Variants in ANTXR1 observed in about 807,000 individuals in gnomAD.
The protein encoded by ANTXR1 is anthrax toxin receptor 1.
ANTXR1 carries 19 observed loss-of-function variants against 78.1 expected under a neutral mutation model. That is an observed-to-expected ratio of 0.24 (90% CI 0.17 to 0.36). The LOEUF is 0.36. Among genes scored for constraint, ANTXR1 ranks in the 10% least tolerant of loss-of-function variants. The pLI is 1.00. For synonymous variants in ANTXR1, 273 were observed against 260.5 expected, an observed-to-expected ratio of 1.05 and a Z score of -0.46; for missense variants, 518 against 718.6, an observed-to-expected ratio of 0.72 and a Z score of 3.19.
At position 69,013,585 on chromosome 2, in the gene ANTXR1, G is replaced by C. The variant is rs1370753448; in HGVS notation, c.86G>C (p.Gly29Ala). Residue 29 changes from glycine to alanine, a missense_variant, in exon 1 of 18, where the codon GGG (glycine) becomes GCG (alanine). By Grantham distance (60) the Gly-to-Ala change is moderately conservative (BLOSUM62 0). This residue lies in a region of ANTXR1 where 55 missense variants were observed against 52.5 expected (regional missense o/e 1.05). Coordinates refer to ENST00000303714, the MANE Select transcript of ANTXR1 (RefSeq NM_032208.3). This position sits in a 1 kb window ranked among gnomAD's most constrained non-coding sequence, Gnocchi z 5.0. ...CTGGTGCTCATCTGCGCCGGGCAAG[G>C]GGGACGCAGGGAGGATGGGGGTCCA... The part of the protein sequence containing the change: ...ATLVLICAGQ[G>A]GRREDGGPAC... 1.9e-6 allele frequency: 3 copies of C among 1,566,140 alleles called. No homozygotes were observed. Among genetic ancestry groups the C allele is most frequent in the East Asian group, 4.6e-5 (2 of 43,138 alleles).
chr2:69,223,880 C>T (rs1675380656), intron 17 of ANTXR1, among the ~76,000 whole-genome samples: 1 of 152,138 alleles, frequency 6.6e-6, no homozygotes, highest in South Asian at 2.1e-4. Context: ...TAGGTGTATA[C>T]CCAATTTCAG....
At chr2:69,059,244 C>T (rs769425899) in intron 3 of ANTXR1, among the ~76,000 whole-genome samples, 2 of 152,214 alleles carry the variant, frequency 1.3e-5, no homozygotes, top group Non-Finnish European at 2.9e-5. Context: ...AAGAGCATCA[C>T]ATACTACAGA....
At chr2:69,190,576 G>C (rs1674522721) in intron 16 of ANTXR1, among the ~76,000 whole-genome samples, 1 of 152,154 alleles carries the variant, frequency 6.6e-6, no homozygotes, top group Middle Eastern at 3.2e-3. Context: ...TAGCAAGTCT[G>C]TAGAGTAGAC....
At position 69,240,123 on chromosome 2, in the gene ANTXR1, G is replaced by C. The variant is rs114991271; in HGVS notation, c.1435-5102G>C. 2.3e-3 allele frequency among the ~76,000 whole-genome samples: 343 copies of C among 152,320 alleles called. 1 individual carries two copies. Among genetic ancestry groups the C allele is most frequent in the African/African-American group, 7.9e-3 (328 of 41,574 alleles). On this transcript the variant is annotated intron_variant, in intron 17 of 17. Transcript: ENST00000303714. ...CTCATAGCTGTGTTCCTGGATCCTT[G>C]ACCTTTGGAGAGCTTAAACCTGCAG...
intron 3 of ANTXR1, among the ~76,000 whole-genome samples, chr2:69,057,633 A>C (rs1419843076): frequency 6.6e-6 from 1 of 152,082 alleles, no homozygotes; most frequent in South Asian, 2.1e-4. Context: ...CTCTCCCTCT[A>C]CTTGGTCTTC....
intron 3 of ANTXR1, among the ~76,000 whole-genome samples, chr2:69,051,015 G>A (rs1669916537): frequency 6.6e-6 from 1 of 152,052 alleles, no homozygotes; most frequent in South Asian, 2.1e-4. Context: ...GCCCGGTGTG[G>A]TGACTCACAC....
At chr2:69,192,412 G>A (rs1366430525) in intron 16 of ANTXR1, among the ~76,000 whole-genome samples, 2 of 152,226 alleles carry the variant, frequency 1.3e-5, no homozygotes, top group Non-Finnish European at 2.9e-5. Flanking sequence ...CGGCAACATT[G>A]GGTTGAGTCC....
chr2:69,172,642 G>T (rs765372130), intron 14 of ANTXR1: 3 of 785,616 alleles, frequency 3.8e-6, no homozygotes, highest in Non-Finnish European at 5.0e-6. Flanking sequence ...TCTGAGAGAG[G>T]CATGTCTACT....
At chr2:69,234,907 T>G (rs1675714548) in intron 17 of ANTXR1, among the ~76,000 whole-genome samples, 1 of 151,458 alleles carries the variant, frequency 6.6e-6, no homozygotes, top group Non-Finnish European at 1.5e-5. Flanking sequence ...GAACCAGATC[T>G]CTTGAATCCT....
intron 17 of ANTXR1, among the ~76,000 whole-genome samples, chr2:69,215,623 CAGCCTGCA>C (rs1393260364): frequency 1.6e-4 from 24 of 152,214 alleles, no homozygotes; most frequent in Non-Finnish European, 1.5e-5. Context: ...GTCCCCTCCT[CAGCCTGCA>C]AGCCATATGG....
At chr2:69,055,627 A>T (rs928452121) in intron 3 of ANTXR1, among the ~76,000 whole-genome samples, 38 of 152,054 alleles carry the variant, frequency 2.5e-4, no homozygotes, top group African/African-American at 8.9e-4. Flanking sequence ...AAAAGCAAGA[A>T]CTTCTTTTAA....
At chr2:69,018,296 A>G (rs1010937302) in intron 1 of ANTXR1, among the ~76,000 whole-genome samples, 29 of 151,724 alleles carry the variant, frequency 1.9e-4, no homozygotes, top group African/African-American at 6.3e-4. Flanking sequence ...TTTTTCTTCC[A>G]CTGTACAAAG....
At chr2:69,027,957 T>G (rs1269395292) in intron 1 of ANTXR1, among the ~76,000 whole-genome samples, 3 of 151,782 alleles carry the variant, frequency 2.0e-5, no homozygotes, top group Non-Finnish European at 4.4e-5. Flanking sequence ...ATGGAAAAAT[T>G]TAAAGTCACC....
At chr2:69,047,641 G>T (rs558581411) in intron 3 of ANTXR1, among the ~76,000 whole-genome samples, 2 of 151,936 alleles carry the variant, frequency 1.3e-5, no homozygotes, top group Non-Finnish European at 2.9e-5. Context: ...ACTTGAGTTG[G>T]GGGGGGAAAT....
At chr2:69,124,318 G>A (rs2104379458) in intron 11 of ANTXR1, among the ~76,000 whole-genome samples, 1 of 152,322 alleles carries the variant, frequency 6.6e-6, no homozygotes, top group East Asian at 1.9e-4. Context: ...ACGTCTGAAT[G>A]CACTGCCTTA....
At chr2:69,159,372 G>A (rs1673617354) in intron 13 of ANTXR1, among the ~76,000 whole-genome samples, 1 of 152,058 alleles carries the variant, frequency 6.6e-6, no homozygotes, top group African/African-American at 2.4e-5. Context: ...CCTAGAGTCT[G>A]AGACTAGCCT....
At chr2:69,182,951 G>A in intron 16 of ANTXR1, 3 of 378,574 alleles carry the variant, frequency 7.9e-6, no homozygotes, top group Non-Finnish European at 1.4e-5. Flanking sequence ...GGGCAAGGAT[G>A]ACATGCAAAT....
chr2:69,132,641 C>A (rs924161347), intron 12 of ANTXR1, among the ~76,000 whole-genome samples: 6 of 152,172 alleles, frequency 3.9e-5, no homozygotes, highest in Admixed American at 1.3e-4. Flanking sequence ...TCTTCTATTT[C>A]TTTTCCAAGG....
intron 16 of ANTXR1, among the ~76,000 whole-genome samples, chr2:69,190,464 C>A (rs1355917698): frequency 6.6e-6 from 1 of 152,118 alleles, no homozygotes; most frequent in Non-Finnish European, 1.5e-5. Context: ...ACAGAGCCTC[C>A]CAAATGATCA....
Sources: gnomAD v4.1 joint callset for allele counts (sites outside exome capture counted in the v4.1 genomes callset) on GRCh38, gnomAD v4.1.1 for gene constraint, gnomAD v4.1.1 regional missense constraint, Gnocchi (gnomAD v3.1) non-coding constraint, MANE v1.5 for transcripts, NCBI Gene and HGNC (gene_info 2026-07-23, HGNC 2026-07-21) for gene names.